Variants in MAGI2 observed in about 807,000 individuals in gnomAD.
MAGI2 encodes the protein membrane-associated guanylate kinase, WW and PDZ domain-containing protein 2.
Under a neutral mutation model 133.3 loss-of-function variants are expected in MAGI2, and 35 were observed. The ratio of observed to expected loss-of-function variants is 0.26; its 90% CI spans 0.20 to 0.35. MAGI2 has a LOEUF of 0.35. Ranked by LOEUF, MAGI2 falls within the 10% of genes least tolerant of loss-of-function variation. The probability of loss-of-function intolerance (pLI) is 1.00; values close to 1 mark genes in which losing one functional copy is unlikely to be tolerated. For missense variants in MAGI2, 1,636 were observed against 1,863.4 expected, an observed-to-expected ratio of 0.88 and a Z score of 2.25; for synonymous variants, 729 against 710.6, an observed-to-expected ratio of 1.03 and a Z score of -0.41.
At chr7:78,903,881 GCA>G (rs1468953264) in intron 2 of MAGI2, 1 of 152,148 alleles carries the variant, frequency 6.6e-6, no homozygotes, top group African/African-American at 2.4e-5. Context: ...ATTCCCTGTT[GCA>G]CAGTGAATCA....
chr7:78,861,520 C>A (rs1231598947), intron 2 of MAGI2, among the ~76,000 whole-genome samples: 2 of 152,166 alleles, frequency 1.3e-5, no homozygotes, highest in African/African-American at 4.8e-5. Flanking sequence ...AGATAAACTA[C>A]AACCACTTTA....
intron 6 of MAGI2, among the ~76,000 whole-genome samples, chr7:78,374,489 T>G (rs1794244674): frequency 6.6e-6 from 1 of 152,180 alleles, no homozygotes. Context: ...TTGCAAATAT[T>G]TTCTCCTATT....
chr7:79,212,627 G>A (rs534314936), intron 1 of MAGI2, among the ~76,000 whole-genome samples: 2 of 152,122 alleles, frequency 1.3e-5, no homozygotes, highest in South Asian at 2.1e-4. Context: ...GGGATTCTTC[G>A]TGTCTCTTCT....
chr7:78,093,073 T>C (rs2151221690), intron 20 of MAGI2, among the ~76,000 whole-genome samples: 1 of 143,086 alleles, frequency 7.0e-6, no homozygotes, highest in East Asian at 2.1e-4. Context: ...GAGGCAGAGC[T>C]TGCAGTGAGC....
At chr7:78,903,909 T>C (rs1373884200) in intron 2 of MAGI2, 1 of 152,248 alleles carries the variant, frequency 6.6e-6, no homozygotes, top group African/African-American at 2.4e-5. Flanking sequence ...ACCAAATCAT[T>C]GTCTATATGT....
chr7:78,652,358 G>A (rs994057678), intron 2 of MAGI2, among the ~76,000 whole-genome samples: 8 of 151,908 alleles, frequency 5.3e-5, no homozygotes, highest in East Asian at 1.9e-4. Context: ...ATCAAGGGTC[G>A]CTACCTGACT....
intron 2 of MAGI2, among the ~76,000 whole-genome samples, chr7:78,656,903 C>T (rs987833799): frequency 3.4e-5 from 5 of 145,270 alleles, no homozygotes; most frequent in African/African-American, 1.3e-4. Context: ...AAAATATTGG[C>T]AAAAAGTGTA....
At chr7:78,572,298 C>A (rs1264109950) in intron 3 of MAGI2, among the ~76,000 whole-genome samples, 2 of 152,006 alleles carry the variant, frequency 1.3e-5, no homozygotes, top group African/African-American at 4.8e-5. Context: ...TAAGTCATGC[C>A]AATCCCAAAG....
intron 4 of MAGI2, among the ~76,000 whole-genome samples, chr7:78,509,117 C>G (rs1795352935): frequency 6.6e-6 from 1 of 150,568 alleles, no homozygotes; most frequent in South Asian, 2.1e-4. Context: ...AGATGTCGTT[C>G]AAACCAGAAC....
intron 1 of MAGI2, among the ~76,000 whole-genome samples, chr7:79,284,771 T>C (rs1276565460): frequency 1.3e-5 from 2 of 151,854 alleles, no homozygotes; most frequent in African/African-American, 4.9e-5. Context: ...CATACAAACA[T>C]ATGTTTGCCC....
intron 6 of MAGI2, among the ~76,000 whole-genome samples, chr7:78,420,887 T>A (rs1798732822): frequency 6.6e-6 from 1 of 152,170 alleles, no homozygotes; most frequent in Non-Finnish European, 1.5e-5. Context: ...CATGATGACT[T>A]TGAGGAATAA....
intron 2 of MAGI2, among the ~76,000 whole-genome samples, chr7:78,637,679 G>A (rs1024616150): frequency 1.3e-5 from 2 of 152,124 alleles, no homozygotes; most frequent in Non-Finnish European, 2.9e-5. Context: ...TACTCATAAA[G>A]CTCTCTGTTA....
chr7:79,360,459 T>TG (rs1194465814), intron 1 of MAGI2, among the ~76,000 whole-genome samples: 1 of 152,060 alleles, frequency 6.6e-6, no homozygotes, highest in Non-Finnish European at 1.5e-5. Context: ...CAAAAGAAGC[T>TG]GTAACATAGG....
intron 2 of MAGI2, among the ~76,000 whole-genome samples, chr7:78,728,829 TGC>T: frequency 6.6e-6 from 1 of 151,260 alleles, no homozygotes; most frequent in Non-Finnish European, 1.5e-5. Flanking sequence ...CCTCCCAAAG[TGC>T]TGGGATTACA....
At chr7:78,028,096 A>G (rs1298974114) in intron 21 of MAGI2, among the ~76,000 whole-genome samples, 1 of 152,252 alleles carries the variant, frequency 6.6e-6, no homozygotes, top group Non-Finnish European at 1.5e-5. Context: ...GTTCATTTGC[A>G]TCTGTTCAGC....
At chr7:79,056,289 G>A (rs1243996501) in intron 1 of MAGI2, among the ~76,000 whole-genome samples, 2 of 152,122 alleles carry the variant, frequency 1.3e-5, no homozygotes, top group South Asian at 4.1e-4. Context: ...TCAGAAGGCT[G>A]CAGGAGTTCA....
intron 2 of MAGI2, among the ~76,000 whole-genome samples, chr7:78,934,927 T>G (rs566446250): frequency 6.6e-6 from 1 of 152,288 alleles, no homozygotes; most frequent in South Asian, 2.1e-4. Flanking sequence ...ATTAGTTGAA[T>G]TTTAGCTGAT....
intron 2 of MAGI2, among the ~76,000 whole-genome samples, chr7:78,689,889 G>C (rs948973387): frequency 6.6e-6 from 1 of 151,852 alleles, no homozygotes; most frequent in Admixed American, 6.6e-5. Flanking sequence ...ACTTTCTTAT[G>C]TAAGTCTTAT....
At chr7:79,449,897 T>TATATGTATATATATATATATATATATAA (rs1491494586) in intron 1 of MAGI2, among the ~76,000 whole-genome samples, 33 of 132,344 alleles carry the variant, frequency 2.5e-4, no homozygotes, top group African/African-American at 8.4e-4. Flanking sequence ...TATATATATA[T>TATATGTATATATATATATATATATATAA]AATGTCTTAA....
Sources: gnomAD v4.1 joint callset for allele counts (sites outside exome capture counted in the v4.1 genomes callset) on GRCh38, gnomAD v4.1.1 for gene constraint, MANE v1.5 for transcripts, NCBI Gene and HGNC (gene_info 2026-07-23, HGNC 2026-07-21) for gene names.